The following GOT2 variants were observed in gnomAD, a reference collection of about 807,000 sequenced individuals.
GOT2 encodes the protein glutamic-oxaloacetic transaminase 2, also known as aspartate aminotransferase, mitochondrial.
Under a neutral mutation model 50.0 loss-of-function variants are expected in GOT2, and 17 were observed. The ratio of observed to expected loss-of-function variants is 0.34; its 90% CI spans 0.23 to 0.51. GOT2 has a LOEUF of 0.51. Ranked by LOEUF, GOT2 falls within the 20% of genes least tolerant of loss-of-function variation. GOT2 has a pLI of 0.97. For synonymous variants in GOT2, 172 were observed against 204.9 expected (o/e 0.84, Z 1.37); for missense variants, 430 against 559.6 (o/e 0.77, Z 2.34).
chr16:58,722,551 G>C (rs1216161778), intron 2 of GOT2, among the ~76,000 whole-genome samples: 1 of 151,842 alleles, frequency 6.6e-6, no homozygotes, highest in African/African-American at 2.4e-5. Context: ...TGTATTTTTA[G>C]TAGATACGGG....
chr16:58,715,754 G>A (rs1567486576), intron 8 of GOT2, among the ~76,000 whole-genome samples: 1 of 152,166 alleles, frequency 6.6e-6, no homozygotes, highest in Non-Finnish European at 1.5e-5. Flanking sequence ...GTTTCTCCAT[G>A]TTGGTCAGGC....
intron 1 of GOT2, among the ~76,000 whole-genome samples, chr16:58,725,378 G>C (rs940031921): frequency 7.2e-5 from 11 of 152,180 alleles, no homozygotes; most frequent in African/African-American, 2.7e-4. Flanking sequence ...GCTTCCCAAA[G>C]TGCTGGGATT....
intron 3 of GOT2, among the ~76,000 whole-genome samples, chr16:58,721,118 T>TA (rs1186417373): frequency 1.3e-5 from 2 of 152,194 alleles, no homozygotes; most frequent in East Asian, 1.9e-4. Context: ...TTGTGTGCTT[T>TA]ACTCTGAGTT....
Position 58,723,813 on chromosome 16 carries a change from A to G in GOT2, c.179T>C (p.Met60Thr), listed in dbSNP as rs1407942233. 1 of 1,612,772 alleles carries G rather than the reference A, an allele frequency of 6.2e-7. No homozygotes were observed. The highest frequency in any genetic ancestry group is 1.7e-5 in the Admixed American group (1 of 59,980). Residue 60 changes from methionine to threonine, a missense_variant, in exon 2 of 10, where the codon ATG (methionine) becomes ACG (threonine). Coordinates refer to ENST00000245206, the MANE Select transcript of GOT2 (RefSeq NM_002080.4). ...CCGGTAGGCACCAACTCCCAGATTC[A>G]TCTTTTTGCTATTGGTGTCCCTCTT... ...AFKRDTNSKK[M>T]NLGVGAYRDD... is the part of the protein sequence containing the mutation.
chr16:58,723,158 C>T (rs956869186), intron 2 of GOT2, among the ~76,000 whole-genome samples: 8 of 152,134 alleles, frequency 5.3e-5, no homozygotes, highest in African/African-American at 1.9e-4. Context: ...TACAATAGTG[C>T]TTGGTAGTGA....
At chr16:58,709,376 C>A in intron 9 of GOT2, 41 bp downstream of exon 9, 1 of 1,519,550 alleles carries the variant, frequency 6.6e-7, no homozygotes, top group Non-Finnish European at 9.0e-7. Context: ...TTTGCAAAGA[C>A]TGATCAGCTG....
rs949494622 is a variant in GOT2 at position 58,708,152 on chromosome 16, T to C, written c.*19A>G. 6.2e-7 allele frequency: 1 copy of C among 1,612,142 alleles called. No individual in the cohort carries two copies. Among genetic ancestry groups the C allele is most frequent in the Non-Finnish European group, 8.5e-7 (1 of 1,179,078 alleles). ...GCTGAAGACAGAAAGGTTGTCTCTG[T>C]TTCCTCGCACCAGGGACATTACTTG... On this transcript the variant is annotated 3_prime_UTR_variant, in exon 10 of 10. Coordinates refer to ENST00000245206, the MANE Select transcript of GOT2 (RefSeq NM_002080.4).
At position 58,728,199 on chromosome 16, in the gene GOT2, T is replaced by C. The variant is rs78617265; in HGVS notation, c.90-4297A>G. 1.5e-3 allele frequency among the ~76,000 whole-genome samples: 225 copies of C among 152,316 alleles called. 4 individuals carry two copies. The East Asian group carries it at 0.032, about 22-fold the overall frequency. On this transcript the variant is annotated intron_variant, in intron 1 of 9. Coordinates refer to ENST00000245206, the MANE Select transcript of GOT2 (RefSeq NM_002080.4). Reference sequence around the variant, plus strand: ...TTTTTTGGATTTCCCAGGCTCTTATTTCTTGTAATGTTTCTTTTAATAGTT... The same window carrying C: ...TTTTTTGGATTTCCCAGGCTCTTATCTCTTGTAATGTTTCTTTTAATAGTT...
intron 8 of GOT2, among the ~76,000 whole-genome samples, chr16:58,714,520 C>G (rs1243910056): frequency 1.3e-5 from 2 of 151,008 alleles, no homozygotes; most frequent in African/African-American, 4.9e-5. Context: ...CCACTGCACT[C>G]CAGCCTGGGC....
intron 9 of GOT2, among the ~76,000 whole-genome samples, chr16:58,708,541 C>G (rs1339136737): frequency 6.6e-6 from 1 of 151,810 alleles, no homozygotes; most frequent in African/African-American, 2.4e-5. Context: ...GAACCTGGAA[C>G]CTGGGAGGCA....
intron 8 of GOT2, among the ~76,000 whole-genome samples, chr16:58,712,568 G>T (rs141181745): frequency 6.6e-6 from 1 of 152,134 alleles, no homozygotes; most frequent in African/African-American, 2.4e-5. Flanking sequence ...AGTCATGTGT[G>T]TATCTTTCTC....
chr16:58,716,584 ACACACC>A, intron 7 of GOT2, 73 bp downstream of exon 7: 8 of 1,204,382 alleles, frequency 6.6e-6, no homozygotes, highest in East Asian at 2.4e-5. Flanking sequence ...ACACACACAC[ACACACC>A]CACAAGCTCT....
chr16:58,726,216 G>A (rs561770440), intron 1 of GOT2, among the ~76,000 whole-genome samples: 65 of 152,262 alleles, frequency 4.3e-4, no homozygotes, highest in Non-Finnish European at 2.4e-4. Flanking sequence ...ACGGAGTCTT[G>A]TTCTTGTCGC....
chr16:58,716,539 G>C, intron 7 of GOT2, 124 bp downstream of exon 7: 1 of 763,494 alleles, frequency 1.3e-6, no homozygotes, highest in Non-Finnish European at 2.1e-6. Flanking sequence ...TTAGGGTAGG[G>C]AGGGACATGG....
intron 4 of GOT2, 146 bp downstream of exon 4, chr16:58,719,050 C>T: frequency 1.5e-6 from 1 of 656,600 alleles, no homozygotes; most frequent in Non-Finnish European, 2.7e-6. Flanking sequence ...CTTCAAAGTC[C>T]TTTCATTTTT....
intron 1 of GOT2, among the ~76,000 whole-genome samples, chr16:58,733,642 C>G (rs927561738): frequency 3.9e-5 from 6 of 152,052 alleles, no homozygotes; most frequent in African/African-American, 1.2e-4. Flanking sequence ...GCCCGAATGC[C>G]GGCGCCCCGG....
At chr16:58,712,103 C>A (rs1886825903) in intron 8 of GOT2, among the ~76,000 whole-genome samples, 1 of 152,096 alleles carries the variant, frequency 6.6e-6, no homozygotes, top group African/African-American at 2.4e-5. Context: ...AAAGCCCTTT[C>A]CCCTCTTTAA....
At chr16:58,730,977 C>G (rs992790423) in intron 1 of GOT2, among the ~76,000 whole-genome samples, 1 of 152,164 alleles carries the variant, frequency 6.6e-6, no homozygotes, top group South Asian at 2.1e-4. Flanking sequence ...CCTTTCCAAT[C>G]GAAACGCATT....
At chr16:58,714,408 C>T (rs1034139189) in intron 8 of GOT2, among the ~76,000 whole-genome samples, 17 of 152,058 alleles carry the variant, frequency 1.1e-4, no homozygotes, top group South Asian at 8.3e-4. Flanking sequence ...AAAAATTAGC[C>T]GGGCGTAGTG....
Sources: allele counts gnomAD v4.1 joint callset (sites outside exome capture counted in the v4.1 genomes callset), GRCh38; gene constraint gnomAD v4.1.1; transcripts MANE v1.5; gene names NCBI Gene and HGNC (gene_info 2026-07-23, HGNC 2026-07-21).